The following YY1 variants were observed in gnomAD, a reference collection of about 807,000 sequenced individuals.
YY1 encodes YY1 transcription factor.
A neutral mutation model predicts 35.6 loss-of-function variants in YY1; 2 were observed. That is an observed-to-expected ratio of 0.06 (90% CI 0.02 to 0.18). The LOEUF is 0.18. Ranked by LOEUF, YY1 falls within the 10% of genes least tolerant of loss-of-function variation. The probability of loss-of-function intolerance (pLI) is 1.00; values close to 1 mark genes in which losing one functional copy is unlikely to be tolerated. For missense variants in YY1, 322 were observed against 573.4 expected (o/e 0.56, Z 4.48); for synonymous variants, 268 against 238.9 (o/e 1.12, Z -1.12).
chr14:100,250,561 A>AT (rs1890909633), intron 1 of YY1, among the ~76,000 whole-genome samples: 2 of 152,176 alleles, frequency 1.3e-5, no homozygotes, highest in Non-Finnish European at 2.9e-5. Flanking sequence ...TTAAAAAAAA[A>AT]GGAACTTATA....
At position 100,254,940 on chromosome 14, in the gene YY1, A is replaced by ATTTTTTTTTTTTTTTTTTTT. The variant is rs35165026; in HGVS notation, c.680-7354_680-7335dup. Among the ~76,000 whole-genome samples the ATTTTTTTTTTTTTTTTTTTT allele has an allele frequency of 5.1e-4, 15 of 29,588 alleles. 1 individual carries two copies. The highest frequency in any genetic ancestry group is 7.3e-4 in the African/African-American group (5 of 6,896). The allele number at this position is 29,588 out of a possible 152,430, so 19.4% of individuals were successfully genotyped here. A position where few individuals can be genotyped will look rare whatever the true frequency, so the allele number is the denominator to read the frequency against. On this transcript the variant is annotated intron_variant, in intron 1 of 4. Coordinates refer to ENST00000262238, the MANE Select transcript of YY1 (RefSeq NM_003403.5). ...AAGCGCCCGCCACCACGCCCAGCTAATTTTTTTTTTTTTTTTTTTTTTTTT... is the reference window on the plus strand; with the variant it reads ...AAGCGCCCGCCACCACGCCCAGCTAATTTTTTTTTTTTTTTTTTTTTTTTTTTTTTTTTTTTTTTTTTTTT...
chr14:100,266,123 T>C (rs886883132), intron 2 of YY1, among the ~76,000 whole-genome samples: 31 of 152,038 alleles, frequency 2.0e-4, no homozygotes. Flanking sequence ...AGACTTACTA[T>C]CATGAGAATA....
At chr14:100,260,575 C>T (rs370469951) in intron 1 of YY1, among the ~76,000 whole-genome samples, 5 of 150,480 alleles carry the variant, frequency 3.3e-5, no homozygotes, top group East Asian at 2.0e-4. Context: ...CAGGTTCAAG[C>T]GATTCTCCTG....
At chr14:100,242,642 C>T (rs142497856) in intron 1 of YY1, among the ~76,000 whole-genome samples, 1,934 of 152,240 alleles carry the variant, frequency 0.013, 49 homozygotes, top group African/African-American at 0.044. Flanking sequence ...CCTGCCTCGG[C>T]CTCCCAAAGT....
intron 2 of YY1, among the ~76,000 whole-genome samples, chr14:100,263,378 G>A (rs79776867): frequency 2.4e-3 from 362 of 152,334 alleles, no homozygotes; most frequent in African/African-American, 8.3e-3. Context: ...ATGACAGGAG[G>A]AGATCAAGTA....
At chr14:100,247,470 C>T (rs1890851173) in intron 1 of YY1, among the ~76,000 whole-genome samples, 3 of 151,860 alleles carry the variant, frequency 2.0e-5, no homozygotes, top group Admixed American at 6.6e-5. Flanking sequence ...CAGCCTCGAC[C>T]TCCTGGGCTC....
chr14:100,263,477 T>C (rs193295595), intron 2 of YY1, among the ~76,000 whole-genome samples: 18 of 152,328 alleles, frequency 1.2e-4, no homozygotes, highest in Admixed American at 5.2e-4. Flanking sequence ...TGGGTTCTTA[T>C]AGAAGCCTAC....
intron 1 of YY1, among the ~76,000 whole-genome samples, chr14:100,241,943 C>T (rs577600727): frequency 2.2e-4 from 30 of 137,076 alleles, no homozygotes; most frequent in African/African-American, 7.6e-4. Flanking sequence ...CCACTACACT[C>T]CAGCCTGGGT....
intron 2 of YY1, among the ~76,000 whole-genome samples, chr14:100,263,312 A>G (rs1891110149): frequency 6.6e-6 from 1 of 152,202 alleles, no homozygotes; most frequent in African/African-American, 2.4e-5. Flanking sequence ...AGGATTTCAT[A>G]AATTCGTGTT....
intron 1 of YY1, among the ~76,000 whole-genome samples, chr14:100,250,201 G>A (rs1890903412): frequency 6.6e-6 from 1 of 152,150 alleles, no homozygotes; most frequent in South Asian, 2.1e-4. Flanking sequence ...GAATGAGACA[G>A]GTACTTAATA....
chr14:100,244,945 A>AT (rs921478045), intron 1 of YY1, among the ~76,000 whole-genome samples: 316 of 142,320 alleles, frequency 2.2e-3, no homozygotes, highest in African/African-American at 6.1e-3. Flanking sequence ...TTTATTTCTT[A>AT]TTTTTTTTTG....
At chr14:100,259,741 T>C (rs908212969) in intron 1 of YY1, among the ~76,000 whole-genome samples, 2 of 152,184 alleles carry the variant, frequency 1.3e-5, no homozygotes, top group African/African-American at 4.8e-5. Context: ...TGAAACCTCC[T>C]GCCATGCACT....
chr14:100,265,238 C>CTTG (rs1891136237), intron 2 of YY1: 1 of 152,144 alleles, frequency 6.6e-6, no homozygotes, highest in African/African-American at 2.4e-5. Flanking sequence ...CGTAGCTGGG[C>CTTG]TTGATGGCAG....
At chr14:100,271,353 A>T (rs1320177517) in intron 2 of YY1, among the ~76,000 whole-genome samples, 2 of 152,220 alleles carry the variant, frequency 1.3e-5, no homozygotes, top group East Asian at 3.8e-4. Flanking sequence ...TGTAACCTCA[A>T]GGTGGCGCAG....
chr14:100,271,148 G>A (rs1055603642), intron 2 of YY1, among the ~76,000 whole-genome samples: 1 of 152,126 alleles, frequency 6.6e-6, no homozygotes, highest in Non-Finnish European at 1.5e-5. Context: ...TCGGGAGGCT[G>A]AGGCAGGAGA....
chr14:100,256,552 G>T (rs147072068), intron 1 of YY1, among the ~76,000 whole-genome samples: 2 of 152,212 alleles, frequency 1.3e-5, no homozygotes, highest in Non-Finnish European at 2.9e-5. Context: ...TACAACAGGT[G>T]GGTCTTAAAA....
chr14:100,253,241 T>C (rs915047039), intron 1 of YY1, among the ~76,000 whole-genome samples: 1 of 152,220 alleles, frequency 6.6e-6, no homozygotes, highest in African/African-American at 2.4e-5. Context: ...TTTACCTAGA[T>C]GTACATTTGA....
chr14:100,276,256 C>T lies in YY1; in HGVS notation c.904-234C>T. 2 of 554,632 alleles carry T rather than the reference C, an allele frequency of 3.6e-6. No individual in the cohort carries two copies. Among genetic ancestry groups the T allele is most frequent in the Non-Finnish European group, 6.3e-6 (2 of 318,872 alleles). The allele number at this position is 554,632 out of a possible 1,614,324, so 34.4% of individuals were successfully genotyped here. A position where few individuals can be genotyped will look rare whatever the true frequency, so the allele number is the denominator to read the frequency against. Reference sequence around the variant, plus strand: ...TGGGCAAGTCTACTTAAAGACATCTCTAAGCCTCAGTTTCCTCATCTGTAA... The same window carrying T: ...TGGGCAAGTCTACTTAAAGACATCTTTAAGCCTCAGTTTCCTCATCTGTAA... On this transcript the variant is annotated intron_variant, in intron 3 of 4. Coordinates refer to ENST00000262238, the MANE Select transcript of YY1 (RefSeq NM_003403.5). This position sits in a 1 kb window ranked among gnomAD's most constrained non-coding sequence, Gnocchi z 4.1.
chr14:100,271,776 C>T (rs1004850274), intron 2 of YY1, among the ~76,000 whole-genome samples: 8 of 152,088 alleles, frequency 5.3e-5, no homozygotes, highest in African/African-American at 1.9e-4. Context: ...TCCCAAGTAG[C>T]TGGGACTGTA....
Sources: gnomAD v4.1 joint callset for allele counts (sites outside exome capture counted in the v4.1 genomes callset) on GRCh38, gnomAD v4.1.1 for gene constraint, Gnocchi (gnomAD v3.1) non-coding constraint, MANE v1.5 for transcripts, NCBI Gene and HGNC (gene_info 2026-07-23, HGNC 2026-07-21) for gene names.